Variants in DMAC2 observed in about 807,000 individuals in gnomAD.
The protein encoded by DMAC2 is distal membrane arm assembly component 2, also known as distal membrane-arm assembly complex protein 2.
DMAC2 carries 32 observed loss-of-function variants against 29.6 expected under a neutral mutation model. That is an observed-to-expected ratio of 1.08 (90% CI 0.81 to 1.45). DMAC2 has a LOEUF of 1.45. Among genes scored for constraint, DMAC2 ranks in the 40% most tolerant of loss-of-function variants. DMAC2 has a pLI of 0.00. For synonymous variants in DMAC2, 133 were observed against 137.4 expected, an observed-to-expected ratio of 0.97 and a Z score of 0.23; for missense variants, 319 against 340.0, an observed-to-expected ratio of 0.94 and a Z score of 0.49.
chr19:41,439,436 C>T (rs782643700), intron 1 of DMAC2: 18 of 1,502,038 alleles, frequency 1.2e-5, no homozygotes, highest in Non-Finnish European at 1.6e-5. Flanking sequence ...TTTGAGTTTT[C>T]TGTAAAAATT....
In DMAC2 at chr19:41,438,430, G is replaced by C; in HGVS notation, c.19-16C>G. On this transcript the variant is annotated splice_polypyrimidine_tract_variant and intron_variant, in intron 1 of 5. Transcript: ENST00000221943. ...GGCGCAGGGACTGGGGAGGGGGAGA[G>C]GAAAGGAGCTGAGCCTGGAGCCTCC... 1 of 1,604,104 alleles carries C rather than the reference G, an allele frequency of 6.2e-7. No homozygotes were observed. Among genetic ancestry groups the C allele is most frequent in the East Asian group, 2.2e-5 (1 of 44,724 alleles).
At position 41,432,400 on chromosome 19, in the gene DMAC2, C is replaced by A; in HGVS notation, c.605G>T (p.Arg202Leu). The change falls in exon 6 of 6, where the codon CGC becomes CTC. Residue 202 changes from arginine to leucine, a missense_variant. Arg to Leu is a moderately radical substitution (Grantham distance 102). Transcript: ENST00000221943. ...AGGGAGGTCCGAGATGTCCAGCCTGCGGAGGTTCCTGAAAAGGGGTGAGAA... is the reference window on the plus strand; with the variant it reads ...AGGGAGGTCCGAGATGTCCAGCCTGAGGAGGTTCCTGAAAAGGGGTGAGAA... Reference protein sequence around the residue: ...LACLHHLQNLRRLDISDLPAV... With the variant: ...LACLHHLQNLLRLDISDLPAV... 6.2e-7 allele frequency: 1 copy of A among 1,613,456 alleles called. No homozygotes were observed. Among genetic ancestry groups the A allele is most frequent in the Non-Finnish European group, 8.5e-7 (1 of 1,179,904 alleles).
At chr19:41,433,500 A>G (rs781888833) in intron 4 of DMAC2, 37 bp downstream of exon 4, 3 of 1,613,698 alleles carry the variant, frequency 1.9e-6, no homozygotes, top group East Asian at 2.2e-5. Flanking sequence ...AAGGGAAAAC[A>G]TAGAGGCCTG....
rs1555771913 is a variant in DMAC2 at position 41,438,406 on chromosome 19, G to A, written c.27C>T (p.Arg9=). 1.2e-6 allele frequency: 2 copies of A among 1,613,438 alleles called. No individual in the cohort carries two copies. The highest frequency in any genetic ancestry group is 1.7e-6 in the Non-Finnish European group (2 of 1,179,718). ...GCCCATTCCACATGGGGGCGACCAG[G>A]CGCAGGGACTGGGGAGGGGGAGAGG... The part of the protein sequence containing the change: MAAPWASL[R]LVAPMWNGRI... The change falls in exon 2 of 6, where the codon CGC becomes CGT. Residue 9 remains arginine (R), a synonymous_variant. Transcript: ENST00000221943.
At position 41,433,667 on chromosome 19, in the gene DMAC2, T is replaced by A. The variant is rs1555770319; in HGVS notation, c.303A>T (p.Arg101=). 1 of 1,614,148 alleles carries A rather than the reference T, an allele frequency of 6.2e-7. No individual in the cohort carries two copies. Among genetic ancestry groups the A allele is most frequent in the Middle Eastern group, 1.7e-4 (1 of 6,060 alleles). Residue 101 remains arginine (R), a synonymous_variant, in exon 4 of 6, where the codon CGA becomes CGT. Transcript: ENST00000221943. The stretch of plus-strand genomic sequence containing the variant: ...TATCTGGCCTGATCCACTCCTTGTC[T>A]CGAAACCTGGAAACGGGAAAGGGAG... ...ILKQGGAVKF[R]DKEWIRPDKY...
chr19:41,432,618 ATG>A (rs146967268), intron 5 of DMAC2: 7,821 of 283,090 alleles, frequency 0.028, 1 homozygote, highest in East Asian at 0.048. Flanking sequence ...TAAGGACAGC[ATG>A]TGTGTGTGTG....
At chr19:41,432,570 T>TGTGC (rs2122191270) in intron 5 of DMAC2, 162 bp from the exon 6 acceptor site, 2 of 373,270 alleles carry the variant, frequency 5.4e-6, no homozygotes, top group East Asian at 4.3e-5. Context: ...AGTGTGTGCG[T>TGTGC]GTGTGTGTGT....
intron 3 of DMAC2, among the ~76,000 whole-genome samples, chr19:41,436,048 G>A (rs1249497397): frequency 6.6e-6 from 1 of 152,076 alleles, no homozygotes; most frequent in Non-Finnish European, 1.5e-5. Flanking sequence ...GCTAAGTTTT[G>A]TATTTTTAGT....
rs1555770284 is a variant in DMAC2, at chr19:41,433,630, A to T, written c.340T>A (p.Phe114Ile). Residue 114 changes from phenylalanine (F) to isoleucine (I), a missense_variant, in exon 4 of 6, where the codon TTC becomes ATC. Phe to Ile is a conservative substitution (Grantham distance 21). Coordinates refer to ENST00000221943, the MANE Select transcript of DMAC2 (RefSeq NM_018035.3). ...EWIRPDKYGH[F>I]SQEFWNFCEV... ...CAGAAATTCCAGAACTCCTGAGAGA[A>T]ATGGCCATACTTATCTGGCCTGATC... is the stretch of plus-strand genomic sequence containing the variant. 6.2e-7 allele frequency: 1 copy of T among 1,614,094 alleles called. No homozygotes were observed. The highest frequency in any genetic ancestry group is 1.3e-5 in the African/African-American group (1 of 74,942).
Position 41,432,370 on chromosome 19 carries a change from A to G in DMAC2, c.635T>C (p.Val212Ala). 6.2e-7 allele frequency: 1 copy of G among 1,614,080 alleles called. No homozygotes were observed. The highest frequency in any genetic ancestry group is 1.1e-5 in the South Asian group (1 of 91,086). Residue 212 changes from valine to alanine, a missense_variant, in exon 6 of 6, where the codon GTG becomes GCG. By Grantham distance (64) the Val-to-Ala change is moderately conservative. Coordinates refer to ENST00000221943, the MANE Select transcript of DMAC2 (RefSeq NM_018035.3). ...TATCTGAGTGAGGCCAGGGTTGGAC[A>G]CGGCAGGGAGGTCCGAGATGTCCAG... is the stretch of plus-strand genomic sequence containing the variant. ...RRLDISDLPA[V>A]SNPGLTQILV...
intron 1 of DMAC2, chr19:41,439,214 ATTC>A: frequency 4.7e-6 from 2 of 424,844 alleles, no homozygotes; most frequent in South Asian, 3.1e-5. Flanking sequence ...CTTTAACCAA[ATTC>A]TTTTTTTTTT....
rs2039631829 is a variant in DMAC2, at chr19:41,432,807, TGTG to T, written c.597-402_597-400del. 5.4e-5 allele frequency: 28 copies of T among 516,308 alleles called. No individual in the cohort carries two copies. In the Admixed American group the frequency reaches 9.6e-4, roughly 18 times the overall value. The allele number at this position is 516,308 out of a possible 1,614,324, so 32.0% of individuals were successfully genotyped here. A position where few individuals can be genotyped will look rare whatever the true frequency, so the allele number is the denominator to read the frequency against. ...GCGTGTGTGTGTGTGTGTGTGTGTG[TGTG>T]TGTGTGTAGGGAGGTACTGGCCCCA... On this transcript the variant is annotated intron_variant, in intron 5 of 5. Coordinates refer to ENST00000221943, the MANE Select transcript of DMAC2 (RefSeq NM_018035.3).
rs1555770189 is a variant in DMAC2 at position 41,433,531 on chromosome 19, AC to A, written c.433+5del. ...GCCTGTCCCATCTCCACCCCACCGC[AC>A]TCACGGAGGTTATCCAGGCCCTCGT... On this transcript the variant is annotated splice_donor_5th_base_variant and intron_variant, in intron 4 of 5. Transcript: ENST00000221943. 1 of 1,614,154 alleles carries A rather than the reference AC, an allele frequency of 6.2e-7. No individual in the cohort carries two copies. Among genetic ancestry groups the A allele is most frequent in the East Asian group, 2.2e-5 (1 of 44,884 alleles).
Position 41,433,528 on chromosome 19 carries a change from C to T in DMAC2, c.433+9G>A, listed in dbSNP as rs782379341. The stretch of plus-strand genomic sequence containing the variant: ...GAGGCCTGTCCCATCTCCACCCCAC[C>T]GCACTCACGGAGGTTATCCAGGCCC... On this transcript the variant is annotated intron_variant, in intron 4 of 5. Coordinates refer to ENST00000221943, the MANE Select transcript of DMAC2 (RefSeq NM_018035.3). 3.3e-5 allele frequency: 53 copies of T among 1,614,112 alleles called. No homozygotes were observed. The highest frequency in any genetic ancestry group is 5.0e-5 in the Admixed American group (3 of 60,014).
rs2039503062 is a variant in DMAC2, at chr19:41,431,377, A to C, written c.*854T>G. ...ACTGGCTTTAACAGTGAACTGGAATAATGAGGGCTTCACTGGTAAAATGCT... is the reference window on the plus strand; with the variant it reads ...ACTGGCTTTAACAGTGAACTGGAATCATGAGGGCTTCACTGGTAAAATGCT... On this transcript the variant is annotated 3_prime_UTR_variant, in exon 6 of 6. Transcript: ENST00000221943. 1 of 505,972 alleles carries C rather than the reference A, an allele frequency of 2.0e-6. No homozygotes were observed. The highest frequency in any genetic ancestry group is 1.9e-5 in the African/African-American group (1 of 51,558). 31.3% of individuals were successfully genotyped at this position (505,972 alleles called of 1,614,324 possible).
Position 41,433,289 on chromosome 19 carries a change from G to C in DMAC2, c.579C>G (p.Ala193=). 2 of 1,609,518 alleles carry C rather than the reference G, an allele frequency of 1.2e-6. No individual in the cohort carries two copies. Among genetic ancestry groups the C allele is most frequent in the Non-Finnish European group, 1.7e-6 (2 of 1,179,454 alleles). Residue 193 remains alanine, a synonymous_variant, in exon 5 of 6, where the codon GCC becomes GCG. Transcript: ENST00000221943. ...GCPRISERGL[A]CLHHLQNLRR... The stretch of plus-strand genomic sequence containing the variant: ...GGTCTCACTGGAGGTGGTGGAGGCA[G>C]GCGAGGCCCCGTTCGGAGATGCGGG...
chr19:41,432,802 GT>G, intron 5 of DMAC2: 1 of 527,882 alleles, frequency 1.9e-6, no homozygotes, highest in South Asian at 2.4e-5. Context: ...GTGTGTGTGT[GT>G]GTGTGTGTGT....
At chr19:41,434,799 G>A (rs995611817) in intron 3 of DMAC2, among the ~76,000 whole-genome samples, 15 of 152,084 alleles carry the variant, frequency 9.9e-5, no homozygotes, top group African/African-American at 3.1e-4. Flanking sequence ...GAGGTCAGGG[G>A]TTGGAGACCA....
chr19:41,435,810 C>G (rs547311188), intron 3 of DMAC2, among the ~76,000 whole-genome samples: 1 of 152,046 alleles, frequency 6.6e-6, no homozygotes, highest in Non-Finnish European at 1.5e-5. Context: ...ACCTTCCTGT[C>G]TCGGCCTCCC....
Sources: gnomAD v4.1 joint callset for allele counts (sites outside exome capture counted in the v4.1 genomes callset) on GRCh38, gnomAD v4.1.1 for gene constraint, MANE v1.5 for transcripts, NCBI Gene and HGNC (gene_info 2026-07-23, HGNC 2026-07-21) for gene names.